FAM227B: variants seen among roughly 807,000 people sequenced by gnomAD.
FAM227B encodes the protein protein FAM227B.
In FAM227B, 88 loss-of-function variants were observed where a neutral mutation model predicts 73.8. The ratio of observed to expected loss-of-function variants is 1.19; its 90% CI spans 1.00 to 1.42. The LOEUF is 1.42. Among genes scored for constraint, FAM227B ranks in the 40% most tolerant of loss-of-function variants. FAM227B has a pLI of 0.00. For synonymous variants in FAM227B, 210 were observed against 190.5 expected (o/e 1.10, Z -0.84); for missense variants, 632 against 590.9 (o/e 1.07, Z -0.72).
At chr15:49,487,973 C>T (rs1309444975) in intron 11 of FAM227B, 2 of 151,932 alleles carry the variant, frequency 1.3e-5, no homozygotes, top group East Asian at 1.9e-4. Context: ...CAACTTTACA[C>T]ATAAATAACA....
intron 9 of FAM227B, among the ~76,000 whole-genome samples, chr15:49,551,061 C>T (rs1029731345): frequency 2.0e-5 from 3 of 152,254 alleles, no homozygotes. Context: ...TGGCGGATCA[C>T]TCGCCGCTAG....
intron 11 of FAM227B, among the ~76,000 whole-genome samples, chr15:49,438,938 A>G (rs1237343490): frequency 2.0e-5 from 3 of 151,618 alleles, no homozygotes; most frequent in African/African-American, 4.8e-5. Context: ...CTATTGTTGC[A>G]TAACAAGTTA....
chr15:49,396,866 C>T (rs541775202), intron 11 of FAM227B, among the ~76,000 whole-genome samples: 1 of 152,108 alleles, frequency 6.6e-6, no homozygotes, highest in Non-Finnish European at 1.5e-5. Context: ...TTATCAAAGA[C>T]CAAAAGTAGA....
At position 49,615,048 on chromosome 15, in the gene FAM227B, G is replaced by A; in HGVS notation, c.51+73C>T. 2.9e-6 allele frequency: 4 copies of A among 1,367,690 alleles called. No individual in the cohort carries two copies. The South Asian group carries it at 4.6e-5, about 16-fold the overall frequency. 84.7% of individuals were successfully genotyped at this position (1,367,690 alleles called of 1,614,324 possible). A position where few individuals can be genotyped will look rare whatever the true frequency, so the allele number is the denominator to read the frequency against. On this transcript the variant is annotated intron_variant, in intron 2 of 15. Transcript: ENST00000299338. ...GTGACAAAGCCAGCTCTACCTGGGA[G>A]CCCTGATTACCTGAAATTCCAAGAG... is the stretch of plus-strand genomic sequence containing the variant.
intron 12 of FAM227B, among the ~76,000 whole-genome samples, chr15:49,368,737 C>T (rs2045559170): frequency 6.6e-6 from 1 of 152,166 alleles, no homozygotes; most frequent in African/African-American, 2.4e-5. Flanking sequence ...AACACTCTTC[C>T]TGTTTCTTTC....
intron 11 of FAM227B, among the ~76,000 whole-genome samples, chr15:49,377,745 T>C (rs1391740213): frequency 2.0e-5 from 3 of 152,168 alleles, no homozygotes; most frequent in Non-Finnish European, 4.4e-5. Context: ...GCTCCTTATA[T>C]ACCCTGGTTA....
At chr15:49,441,811 A>T (rs2051676953) in intron 11 of FAM227B, among the ~76,000 whole-genome samples, 1 of 151,326 alleles carries the variant, frequency 6.6e-6, no homozygotes, top group Non-Finnish European at 1.5e-5. Flanking sequence ...GTATTATCTC[A>T]TTGAATTCCT....
At chr15:49,573,731 G>A (rs556054319) in intron 8 of FAM227B, among the ~76,000 whole-genome samples, 1 of 152,186 alleles carries the variant, frequency 6.6e-6, no homozygotes, top group African/African-American at 2.4e-5. Context: ...TTCTGTTATT[G>A]TAGCACAAAA....
chr15:49,333,099 A>C (rs2039084809), intron 14 of FAM227B, among the ~76,000 whole-genome samples: 1 of 151,714 alleles, frequency 6.6e-6, no homozygotes, highest in African/African-American at 2.4e-5. Context: ...AGTTAAAATC[A>C]CTCCCTCTTC....
At chr15:49,416,912 A>T (rs528572282) in intron 11 of FAM227B, among the ~76,000 whole-genome samples, 3 of 152,312 alleles carry the variant, frequency 2.0e-5, no homozygotes, top group Admixed American at 6.5e-5. Context: ...ATGGAAAAAG[A>T]TTCCATGTTC....
At chr15:49,467,105 A>G (rs1049926437) in intron 11 of FAM227B, among the ~76,000 whole-genome samples, 1 of 152,156 alleles carries the variant, frequency 6.6e-6, no homozygotes. Context: ...ATTACATTAT[A>G]TATCTACTGG....
At chr15:49,393,520 A>G (rs562925586) in intron 11 of FAM227B, among the ~76,000 whole-genome samples, 1 of 152,296 alleles carries the variant, frequency 6.6e-6, no homozygotes, top group South Asian at 2.1e-4. Context: ...TGGGTTCCCA[A>G]TCTTCACCAC....
chr15:49,522,182 G>T (rs1426637873), intron 10 of FAM227B, among the ~76,000 whole-genome samples: 2 of 152,076 alleles, frequency 1.3e-5, no homozygotes, highest in Non-Finnish European at 2.9e-5. Context: ...TATAAGCAAG[G>T]AACCCGTAAC....
chr15:49,379,839 G>A (rs1438335397), intron 11 of FAM227B, among the ~76,000 whole-genome samples: 1 of 152,116 alleles, frequency 6.6e-6, no homozygotes, highest in Non-Finnish European at 1.5e-5. Flanking sequence ...GGTCAGACCT[G>A]AAGCCGGCAC....
chr15:49,572,947 T>C (rs1184630365), intron 8 of FAM227B, among the ~76,000 whole-genome samples: 3 of 151,896 alleles, frequency 2.0e-5, no homozygotes, highest in African/African-American at 7.2e-5. Flanking sequence ...TCTCTGATCT[T>C]TATTATTTTA....
intron 11 of FAM227B, among the ~76,000 whole-genome samples, chr15:49,470,148 G>A (rs542073174): frequency 1.1e-3 from 169 of 152,228 alleles, no homozygotes; most frequent in Admixed American, 3.8e-3. Context: ...GAAAATGATG[G>A]AATTCTAAAA....
At chr15:49,413,676 CA>C (rs1469702416) in intron 11 of FAM227B, among the ~76,000 whole-genome samples, 15 of 152,194 alleles carry the variant, frequency 9.9e-5, no homozygotes, top group African/African-American at 2.6e-4. Flanking sequence ...TTGCTAATTA[CA>C]ATCTATTATA....
intron 11 of FAM227B, among the ~76,000 whole-genome samples, chr15:49,418,513 G>A (rs968724522): frequency 6.6e-6 from 1 of 152,132 alleles, no homozygotes; most frequent in Admixed American, 6.6e-5. Flanking sequence ...GATGGAGCTG[G>A]AGGCCATTAT....
chr15:49,613,278 G>A (rs1469437398), intron 2 of FAM227B, among the ~76,000 whole-genome samples: 3 of 152,208 alleles, frequency 2.0e-5, no homozygotes, highest in Non-Finnish European at 4.4e-5. Flanking sequence ...ACTTTGGGAG[G>A]CCAAGGCAGG....
Sources: gnomAD v4.1 joint callset for allele counts (sites outside exome capture counted in the v4.1 genomes callset) on GRCh38, gnomAD v4.1.1 for gene constraint, MANE v1.5 for transcripts, NCBI Gene and HGNC (gene_info 2026-07-23, HGNC 2026-07-21) for gene names.